LAMP5: variants seen among roughly 807,000 people sequenced by gnomAD.
LAMP5 encodes the protein lysosome-associated membrane glycoprotein 5.
LAMP5 carries 36 observed loss-of-function variants against 30.2 expected under a neutral mutation model. The observed-to-expected ratio is 1.19, with a 90% CI of 0.91 to 1.57. The LOEUF (loss-of-function observed/expected upper bound fraction) is 1.57, where lower values mean the gene tolerates loss of function less well. Among genes scored for constraint, LAMP5 ranks in the 40% most tolerant of loss-of-function variants. The probability of loss-of-function intolerance (pLI) is 0.00; values close to 1 mark genes in which losing one functional copy is unlikely to be tolerated. For synonymous variants in LAMP5, 149 were observed against 134.6 expected (o/e 1.11, Z -0.74); for missense variants, 377 against 354.9 (o/e 1.06, Z -0.50).
At position 9,518,076 on chromosome 20, in the gene LAMP5, C is replaced by T. The variant is rs766994885; in HGVS notation, c.512C>T (p.Ala171Val). ...ACAGCCAACTCGCACCACCTCTCTG[C>T]CTTGGTCACCCCCGCTGGGAAGTCC... ...KHTANSHHLS[A>V]LVTPAGKSYE... Residue 171 changes from alanine to valine, a missense_variant, in exon 5 of 6, where the codon GCC (alanine) becomes GTC (valine). By Grantham distance (64) the Ala-to-Val change is moderately conservative (BLOSUM62 0). Coordinates refer to ENST00000246070, the MANE Select transcript of LAMP5 (RefSeq NM_012261.4). 1.2e-6 allele frequency: 2 copies of T among 1,614,118 alleles called. No individual in the cohort carries two copies. Among genetic ancestry groups the T allele is most frequent in the Non-Finnish European group, 1.7e-6 (2 of 1,180,030 alleles).
intron 5 of LAMP5, among the ~76,000 whole-genome samples, chr20:9,523,442 G>A (rs1261045218): frequency 6.6e-6 from 1 of 152,114 alleles, no homozygotes; most frequent in African/African-American, 2.4e-5. Flanking sequence ...ATCTCAGGGA[G>A]TCAATATAAT....
chr20:9,516,227 G>T, intron 3 of LAMP5, 29 bp from the exon 4 acceptor site: 1 of 1,613,572 alleles, frequency 6.2e-7, no homozygotes, highest in Non-Finnish European at 8.5e-7. Flanking sequence ...CTGCGGGGAC[G>T]ATTGAAGCGC....
At chr20:9,515,831 C>T (rs756440144) in intron 2 of LAMP5, among the ~76,000 whole-genome samples, 169 bp from the exon 3 acceptor site, 3 of 152,216 alleles carry the variant, frequency 2.0e-5, no homozygotes, top group Non-Finnish European at 4.4e-5. Context: ...TCTCCGCTTC[C>T]CTATCGGGGC....
intron 5 of LAMP5, among the ~76,000 whole-genome samples, chr20:9,521,440 T>C (rs1336416353): frequency 6.6e-6 from 1 of 152,224 alleles, no homozygotes; most frequent in Non-Finnish European, 1.5e-5. Flanking sequence ...TAATTGGATG[T>C]GTAAAGATTT....
At chr20:9,523,919 A>C (rs1372133306) in intron 5 of LAMP5, among the ~76,000 whole-genome samples, 1 of 152,238 alleles carries the variant, frequency 6.6e-6, no homozygotes, top group Non-Finnish European at 1.5e-5. Flanking sequence ...TATAGATAGA[A>C]TTCAGAGGAA....
At chr20:9,515,022 T>G (rs1365953677) in intron 1 of LAMP5, 106 bp downstream of exon 1, 2 of 1,009,220 alleles carry the variant, frequency 2.0e-6, no homozygotes, top group African/African-American at 3.3e-5. Context: ...TGGCCCTTAA[T>G]GTTTTGCGGT....
rs1427917841 is a variant in LAMP5, at chr20:9,526,883, T to C, written c.665-2759T>C. Reference sequence around the variant, plus strand: ...GTGTATATATATATATATATATATATATATATATATATATATATACACACA... The same window carrying C: ...GTGTATATATATATATATATATATACATATATATATATATATATACACACA... On this transcript the variant is annotated intron_variant, in intron 5 of 5. Coordinates refer to ENST00000246070, the MANE Select transcript of LAMP5 (RefSeq NM_012261.4). Among the ~76,000 whole-genome samples, 827 of 118,806 alleles carry C rather than the reference T, an allele frequency of 7.0e-3. 15 individuals carry two copies. Among genetic ancestry groups the C allele is most frequent in the African/African-American group, 0.025 (799 of 32,570 alleles). 77.9% of individuals were successfully genotyped at this position (118,806 alleles called of 152,430 possible). A position where few individuals can be genotyped will look rare whatever the true frequency, so the allele number is the denominator to read the frequency against.
At chr20:9,520,318 T>A (rs1253466804) in intron 5 of LAMP5, among the ~76,000 whole-genome samples, 1 of 152,220 alleles carries the variant, frequency 6.6e-6, no homozygotes, top group Non-Finnish European at 1.5e-5. Context: ...GTGGCTGCGT[T>A]TTTTTGTTCC....
chr20:9,526,070 G>A (rs1486829785), intron 5 of LAMP5, among the ~76,000 whole-genome samples: 11 of 152,292 alleles, frequency 7.2e-5, no homozygotes, highest in Non-Finnish European at 7.4e-5. Context: ...AGAGGCTAGA[G>A]CCACAAGGGC....
At chr20:9,517,990 A>C in intron 4 of LAMP5, 50 bp from the exon 5 acceptor site, 1 of 917,602 alleles carries the variant, frequency 1.1e-6, no homozygotes, top group South Asian at 1.8e-5. Context: ...CTGGCACATT[A>C]GGTTAGGAAC....
chr20:9,515,763 G>A (rs2045032409), intron 2 of LAMP5, 138 bp downstream of exon 2: 2 of 1,040,676 alleles, frequency 1.9e-6, no homozygotes, highest in Admixed American at 2.4e-5. Context: ...TGCTGCATGG[G>A]GATTCCAGCT....
chr20:9,522,602 A>G (rs538186993), intron 5 of LAMP5, among the ~76,000 whole-genome samples: 115 of 152,320 alleles, frequency 7.5e-4, no homozygotes, highest in African/African-American at 2.7e-3. Context: ...TGTGCTTCGG[A>G]TACTGTCCTC....
In LAMP5 at chr20:9,529,859, A is replaced by G. The variant is rs755678007; in HGVS notation, c.*39A>G. On this transcript the variant is annotated 3_prime_UTR_variant, in exon 6 of 6. Coordinates refer to ENST00000246070, the MANE Select transcript of LAMP5 (RefSeq NM_012261.4). ...GGCACCCCCTATTCCTGCTCCCCCA[A>G]CTGGATCAGGTAGAACAACAAAAGC... The G allele has an allele frequency of 1.9e-6, 3 of 1,595,890 alleles. No individual in the cohort carries two copies. Among genetic ancestry groups the G allele is most frequent in the South Asian group, 2.2e-5 (2 of 90,242 alleles).
chr20:9,519,817 G>A (rs192140075), intron 5 of LAMP5, among the ~76,000 whole-genome samples: 6 of 152,228 alleles, frequency 3.9e-5, no homozygotes, highest in Admixed American at 2.6e-4. Flanking sequence ...GTTACTAGGC[G>A]CTTCTTTACT....
chr20:9,516,290 C>G lies in LAMP5; in HGVS notation c.404C>G (p.Thr135Ser). ...SHNMSKGPEA[T>S]WRLSKVQFVY... is the part of the protein sequence containing the mutation. ...AACATGTCCAAGGGACCTGAGGCGA[C>G]TTGGAGGCTGAGCAAAGTGCAGTTT... The change falls in exon 4 of 6, where the codon ACT (threonine) becomes AGT (serine). Residue 135 changes from threonine (T) to serine (S), a missense_variant. By Grantham distance (58) the Thr-to-Ser change is moderately conservative. Transcript: ENST00000246070. 1.2e-6 allele frequency: 2 copies of G among 1,614,168 alleles called. No homozygotes were observed. The highest frequency in any genetic ancestry group is 1.7e-6 in the Non-Finnish European group (2 of 1,180,042).
intron 5 of LAMP5, among the ~76,000 whole-genome samples, chr20:9,523,622 C>T (rs1376050266): frequency 6.6e-6 from 1 of 152,106 alleles, no homozygotes; most frequent in East Asian, 1.9e-4. Context: ...CTGGTTCTTT[C>T]CAATGATGAG....
At chr20:9,525,919 ATGT>A (rs1172486339) in intron 5 of LAMP5, among the ~76,000 whole-genome samples, 5 of 152,280 alleles carry the variant, frequency 3.3e-5, no homozygotes, top group East Asian at 1.9e-4. Context: ...AGGAAGGTAG[ATGT>A]TGTATTTCGG....
chr20:9,524,477 T>TG (rs894728382), intron 5 of LAMP5, among the ~76,000 whole-genome samples: 6 of 150,464 alleles, frequency 4.0e-5, no homozygotes, highest in Non-Finnish European at 8.9e-5. Context: ...AAATATTGTT[T>TG]TTTTTTTTTT....
chr20:9,515,322 T>C, intron 1 of LAMP5, 131 bp from the exon 2 acceptor site: 1 of 743,836 alleles, frequency 1.3e-6, no homozygotes, highest in Non-Finnish European at 2.1e-6. Context: ...GAGAAACGGC[T>C]CGTAGAGCGC....
Sources: gnomAD v4.1 joint callset for allele counts (sites outside exome capture counted in the v4.1 genomes callset) on GRCh38, gnomAD v4.1.1 for gene constraint, MANE v1.5 for transcripts, NCBI Gene and HGNC (gene_info 2026-07-23, HGNC 2026-07-21) for gene names.